CDCA2: variants seen among roughly 807,000 people sequenced by gnomAD.
CDCA2 encodes the protein cell division cycle-associated protein 2.
In CDCA2, 44 loss-of-function variants were observed where a neutral mutation model predicts 67.0. That is an observed-to-expected ratio of 0.66 (90% CI 0.52 to 0.84). The LOEUF is 0.84. Among genes scored for constraint, CDCA2 ranks in the 40% least tolerant of loss-of-function variants. The pLI, the probability that CDCA2 is intolerant of heterozygous loss-of-function variation, is 0.00. For synonymous variants in CDCA2, 447 were observed against 418.7 expected, an observed-to-expected ratio of 1.07 and a Z score of -0.82; for missense variants, 1,253 against 1,203.2, an observed-to-expected ratio of 1.04 and a Z score of -0.61.
chr8:25,480,053 AC>A lies in CDCA2; in HGVS notation c.966del (p.Lys323ArgfsTer9). ...ATPACRRDLP[T>X]PKTFVLRSVL... is the part of the protein sequence containing the mutation. ...TCCAGCCTGCAGGAGGGACCTTCCC[AC>A]CCCCAAGACCTTTGTACTTCGTTCT... On this transcript the variant is annotated frameshift_variant, in exon 8 of 15. Coordinates refer to ENST00000330560, the MANE Select transcript of CDCA2 (RefSeq NM_152562.4). LOFTEE classifies it high-confidence loss of function. 1 of 1,614,022 alleles carries A rather than the reference AC, an allele frequency of 6.2e-7. No homozygotes were observed. The highest frequency in any genetic ancestry group is 8.5e-7 in the Non-Finnish European group (1 of 1,180,012).
At chr8:25,470,073 A>G (rs1803091148) in intron 7 of CDCA2, 93 bp downstream of exon 7, 1 of 802,940 alleles carries the variant, frequency 1.2e-6, no homozygotes, top group Non-Finnish European at 2.0e-6. Flanking sequence ...GGGAACTGAA[A>G]TTGTTTCCTA....
intron 13 of CDCA2, among the ~76,000 whole-genome samples, chr8:25,495,153 A>G (rs1379358044): frequency 6.6e-6 from 1 of 152,220 alleles, no homozygotes; most frequent in Non-Finnish European, 1.5e-5. Flanking sequence ...AAAGAGAAAT[A>G]AAAAACTGGC....
chr8:25,463,599 C>T (rs189813727), intron 4 of CDCA2, among the ~76,000 whole-genome samples: 1 of 151,882 alleles, frequency 6.6e-6, no homozygotes, highest in African/African-American at 2.4e-5. Flanking sequence ...ACTCCTTCTA[C>T]TGATTAAAAA....
At chr8:25,477,534 T>C (rs1683678362) in intron 7 of CDCA2, among the ~76,000 whole-genome samples, 3 of 152,198 alleles carry the variant, frequency 2.0e-5, no homozygotes, top group African/African-American at 7.2e-5. Context: ...TTAGAGATGC[T>C]TGACTGGTAA....
chr8:25,507,256 T>C lies in CDCA2; in HGVS notation c.2590T>C (p.Leu864=). 1 of 1,614,134 alleles carries C rather than the reference T, an allele frequency of 6.2e-7. No homozygotes were observed. The highest frequency in any genetic ancestry group is 8.5e-7 in the Non-Finnish European group (1 of 1,180,032). The change falls in exon 15 of 15, where the codon TTA becomes CTA. Residue 864 remains leucine, a synonymous_variant. Coordinates refer to ENST00000330560, the MANE Select transcript of CDCA2 (RefSeq NM_152562.4). ...SSVGSSVEIS[L]ENSELFKDLS... ...TGTGGGCAGCTCTGTAGAAATTAGT[T>C]TAGAAAATTCTGAACTGTTTAAAGA...
chr8:25,507,530 C>T lies in CDCA2; in HGVS notation c.2864C>T (p.Ser955Leu), dbSNP rs115712401. ...AAACCGCAGATGGCACCTCCCGTCT[C>T]AGATCCAGAAAACAGCCAGGGCCCT... ...RQKPQMAPPVSDPENSQGPAA... is the reference protein window; with the variant it reads ...RQKPQMAPPVLDPENSQGPAA... The change falls in exon 15 of 15, where the codon TCA (serine) becomes TTA (leucine). Residue 955 changes from serine to leucine, a missense_variant. Ser to Leu is a moderately radical substitution (Grantham distance 145). Coordinates refer to ENST00000330560, the MANE Select transcript of CDCA2 (RefSeq NM_152562.4). The T allele has an allele frequency of 4.0e-4, 643 of 1,613,988 alleles. 1 individual carries two copies. The African/African-American group carries it at 7.5e-3, about 19-fold the overall frequency.
In CDCA2 at chr8:25,492,748, A is replaced by C. The variant is rs567014452; in HGVS notation, c.1671+4059A>C. 2.0e-5 allele frequency among the ~76,000 whole-genome samples: 3 copies of C among 152,354 alleles called. No homozygotes were observed. The South Asian group carries it at 6.2e-4, about 32-fold the overall frequency. On this transcript the variant is annotated intron_variant, in intron 13 of 14. Coordinates refer to ENST00000330560, the MANE Select transcript of CDCA2 (RefSeq NM_152562.4). ...ATACAGATGCTATTTGTTTTCAACT[A>C]AGGACGAAGCTTTTAACAACTTGGT...
intron 13 of CDCA2, among the ~76,000 whole-genome samples, chr8:25,494,285 C>A (rs1238822593): frequency 6.6e-6 from 1 of 151,754 alleles, no homozygotes; most frequent in Non-Finnish European, 1.5e-5. Flanking sequence ...CATAGCACAA[C>A]CCCATCTGTA....
intron 6 of CDCA2, among the ~76,000 whole-genome samples, chr8:25,468,634 AATG>A (rs1803031692): frequency 1.3e-5 from 2 of 152,018 alleles, no homozygotes; most frequent in African/African-American, 4.8e-5. Context: ...CAGTTTGGAT[AATG>A]ATCTCACTTT....
chr8:25,491,490 C>T (rs529039250), intron 13 of CDCA2, among the ~76,000 whole-genome samples: 5 of 152,112 alleles, frequency 3.3e-5, no homozygotes, highest in East Asian at 1.9e-4. Context: ...TAGCAATAGC[C>T]GGAAAGCTAC....
chr8:25,477,213 C>T (rs943392181), intron 7 of CDCA2, among the ~76,000 whole-genome samples: 41 of 152,138 alleles, frequency 2.7e-4, no homozygotes, highest in African/African-American at 8.9e-4. Flanking sequence ...GCACTATGGA[C>T]GGATATAGAC....
At chr8:25,464,673 A>G (rs1802829418) in intron 4 of CDCA2, among the ~76,000 whole-genome samples, 2 of 152,236 alleles carry the variant, frequency 1.3e-5, no homozygotes, top group African/African-American at 2.4e-5. Flanking sequence ...TTCCTAGGAT[A>G]TTAAATCTGC....
Position 25,460,566 on chromosome 8 carries a change from T to C in CDCA2, c.232+12T>C. ...TAGGAACTCTGCAGGTAAGAAAAGTTGTCATTCTGTTGTAATGCTTTTCAA... is the reference window on the plus strand; with the variant it reads ...TAGGAACTCTGCAGGTAAGAAAAGTCGTCATTCTGTTGTAATGCTTTTCAA... On this transcript the variant is annotated intron_variant, in intron 3 of 14. Coordinates refer to ENST00000330560, the MANE Select transcript of CDCA2 (RefSeq NM_152562.4). The C allele has an allele frequency of 1.9e-6, 3 of 1,606,336 alleles. No individual in the cohort carries two copies. The highest frequency in any genetic ancestry group is 2.5e-6 in the Non-Finnish European group (3 of 1,177,072).
intron 7 of CDCA2, among the ~76,000 whole-genome samples, chr8:25,470,217 A>T (rs1014529095): frequency 2.0e-5 from 3 of 152,230 alleles, no homozygotes; most frequent in African/African-American, 2.4e-5. Context: ...ATAAAGAGGT[A>T]GCACCTATGA....
At chr8:25,491,223 A>G (rs1258160772) in intron 13 of CDCA2, among the ~76,000 whole-genome samples, 3 of 152,160 alleles carry the variant, frequency 2.0e-5, no homozygotes, top group South Asian at 2.1e-4. Context: ...TAGGAAAAAG[A>G]AGGAGAAAAT....
intron 11 of CDCA2, 121 bp downstream of exon 11, chr8:25,485,958 C>G: frequency 1.9e-6 from 1 of 539,640 alleles, no homozygotes; most frequent in Admixed American, 3.7e-5. Flanking sequence ...GGTTTAAAAA[C>G]ACCTAATAGT....
chr8:25,487,384 T>C (rs1298960484), intron 12 of CDCA2, 50 bp downstream of exon 12: 2 of 1,208,538 alleles, frequency 1.7e-6, no homozygotes, highest in South Asian at 2.6e-5. Context: ...TCGTGCAATA[T>C]ACTTTTCTGT....
intron 7 of CDCA2, among the ~76,000 whole-genome samples, chr8:25,477,902 T>TAAGA (rs1803412565): frequency 6.6e-6 from 1 of 150,538 alleles, no homozygotes; most frequent in Non-Finnish European, 1.5e-5. Flanking sequence ...ATATTGGACT[T>TAAGA]AACTTGATAC....
At position 25,484,011 on chromosome 8, in the gene CDCA2, A is replaced by G; in HGVS notation, c.1166A>G (p.Lys389Arg). Residue 389 changes from lysine to arginine, a missense_variant, in exon 10 of 15, where the codon AAG becomes AGG. Coordinates refer to ENST00000330560, the MANE Select transcript of CDCA2 (RefSeq NM_152562.4). ...FEAPAFLNMR[K>R]RKRVTFGEDL... Reference sequence around the variant, plus strand: ...GCACCTGCCTTTCTAAATATGAGGAAGAGGAAGAGAGTTACTTTTGGAGAG... The same window carrying G: ...GCACCTGCCTTTCTAAATATGAGGAGGAGGAAGAGAGTTACTTTTGGAGAG... 6.2e-7 allele frequency: 1 copy of G among 1,614,122 alleles called. No homozygotes were observed. Among genetic ancestry groups the G allele is most frequent in the Non-Finnish European group, 8.5e-7 (1 of 1,179,966 alleles).
Sources: allele counts gnomAD v4.1 joint callset (sites outside exome capture counted in the v4.1 genomes callset), GRCh38; gene constraint gnomAD v4.1.1; transcripts MANE v1.5; gene names NCBI Gene and HGNC (gene_info 2026-07-23, HGNC 2026-07-21).